The following MAPKAPK2 variants were observed in gnomAD, a reference collection of about 807,000 sequenced individuals.
MAPKAPK2 encodes the protein MAP kinase-activated protein kinase 2.
A neutral mutation model predicts 48.8 loss-of-function variants in MAPKAPK2; 9 were observed. That is an observed-to-expected ratio of 0.18 (90% CI 0.11 to 0.32). The LOEUF (loss-of-function observed/expected upper bound fraction) is 0.32, where lower values mean the gene tolerates loss of function less well. Ranked by LOEUF, MAPKAPK2 falls within the 10% of genes least tolerant of loss-of-function variation. MAPKAPK2 has a pLI of 1.00. For missense variants in MAPKAPK2, 331 were observed against 498.3 expected, an observed-to-expected ratio of 0.66 and a Z score of 3.20; for synonymous variants, 202 against 190.6, an observed-to-expected ratio of 1.06 and a Z score of -0.49.
intron 1 of MAPKAPK2, among the ~76,000 whole-genome samples, chr1:206,701,173 C>A (rs1672782168): frequency 6.6e-6 from 1 of 152,240 alleles, no homozygotes; most frequent in Non-Finnish European, 1.5e-5. Flanking sequence ...CTGGATCCCA[C>A]TGAGAATACA....
At chr1:206,688,344 C>T (rs980267439) in intron 1 of MAPKAPK2, among the ~76,000 whole-genome samples, 5 of 152,206 alleles carry the variant, frequency 3.3e-5, no homozygotes, top group Non-Finnish European at 7.3e-5. Flanking sequence ...CAGGCTTCTT[C>T]CCACTTACTT....
chr1:206,691,337 G>C (rs111567532), intron 1 of MAPKAPK2, among the ~76,000 whole-genome samples: 74 of 151,888 alleles, frequency 4.9e-4, no homozygotes, highest in African/African-American at 1.3e-3. Context: ...TTTCCACATG[G>C]GTTACCTTGT....
In MAPKAPK2 at chr1:206,719,738, AATTGAGAAGTGTGAC is replaced by A. The variant is rs537176966; in HGVS notation, c.280-8969_280-8955del. On this transcript the variant is annotated intron_variant, in intron 1 of 9. Coordinates refer to ENST00000367103, the MANE Select transcript of MAPKAPK2 (RefSeq NM_032960.4). ...ACCTCTTATGCTTCCAAGCTGGGCT[AATTGAGAAGTGTGAC>A]ATCTTGCTCCAGCCTATAAGCAGCT... 1.9e-4 allele frequency among the ~76,000 whole-genome samples: 29 copies of A among 152,314 alleles called. No individual in the cohort carries two copies. The South Asian group carries it at 5.6e-3, about 29-fold the overall frequency.
At chr1:206,696,069 C>A in intron 1 of MAPKAPK2, 1 of 1,018,464 alleles carries the variant, frequency 9.8e-7, no homozygotes, top group South Asian at 1.3e-5. Flanking sequence ...GGTGAGGATT[C>A]ATCTCACCTG....
chr1:206,714,047 A>T (rs1673240589), intron 1 of MAPKAPK2, among the ~76,000 whole-genome samples: 1 of 152,192 alleles, frequency 6.6e-6, no homozygotes, highest in Non-Finnish European at 1.5e-5. Flanking sequence ...CTGGCTAGAT[A>T]GTGATGTCAT....
intron 1 of MAPKAPK2, among the ~76,000 whole-genome samples, chr1:206,692,004 C>G (rs1291063755): frequency 6.6e-6 from 1 of 152,190 alleles, no homozygotes; most frequent in Non-Finnish European, 1.5e-5. Flanking sequence ...TCCTTAAAAT[C>G]AGAAGAATCA....
intron 1 of MAPKAPK2, among the ~76,000 whole-genome samples, chr1:206,717,054 A>G (rs1673357880): frequency 6.6e-6 from 1 of 152,232 alleles, no homozygotes; most frequent in Non-Finnish European, 1.5e-5. Context: ...TGAACAGAGC[A>G]AAGACGAGTC....
At chr1:206,722,997 A>G (rs4240846) in intron 1 of MAPKAPK2, among the ~76,000 whole-genome samples, 148,577 of 152,344 alleles carry the variant, frequency 0.98, 72,474 homozygotes, top group East Asian at 1. Flanking sequence ...AGGAGGTCTT[A>G]TTTGCCAACA....
chr1:206,691,312 G>A (rs375038885), intron 1 of MAPKAPK2, among the ~76,000 whole-genome samples: 16 of 151,940 alleles, frequency 1.1e-4, no homozygotes, highest in Non-Finnish European at 1.5e-4. Flanking sequence ...CTCCACTAAC[G>A]CATCAGCTAG....
intron 1 of MAPKAPK2, among the ~76,000 whole-genome samples, chr1:206,706,762 G>A (rs1431871564): frequency 6.6e-6 from 1 of 152,180 alleles, no homozygotes; most frequent in Non-Finnish European, 1.5e-5. Flanking sequence ...GCCCGTGGGT[G>A]GGGCTTTACT....
rs782167091 is a variant in MAPKAPK2, at chr1:206,732,053, A to G, written c.1059+134A>G. On this transcript the variant is annotated intron_variant, in intron 9 of 9. Coordinates refer to ENST00000367103, the MANE Select transcript of MAPKAPK2 (RefSeq NM_032960.4). This position sits in a 1 kb window ranked among gnomAD's most constrained non-coding sequence, Gnocchi z 4.4. The stretch of plus-strand genomic sequence containing the variant: ...CTCATCCCAGGGGTGTCTTCATGAC[A>G]AGAACAGCGACCAGGCCACTTGGCT... 6.2e-7 allele frequency: 1 copy of G among 1,614,182 alleles called. No individual in the cohort carries two copies.
chr1:206,700,842 A>C (rs567022680), intron 1 of MAPKAPK2, among the ~76,000 whole-genome samples: 18 of 152,348 alleles, frequency 1.2e-4, no homozygotes, highest in African/African-American at 4.1e-4. Context: ...GTTGTAGGTC[A>C]TCCCTGAGAA....
At chr1:206,709,920 G>T (rs1390420129) in intron 1 of MAPKAPK2, among the ~76,000 whole-genome samples, 7 of 152,192 alleles carry the variant, frequency 4.6e-5, no homozygotes, top group African/African-American at 1.7e-4. Flanking sequence ...TTCAGACATT[G>T]CCAAACGTCC....
Position 206,728,963 on chromosome 1 carries a change from A to G in MAPKAPK2, c.420-72A>G, listed in dbSNP as rs1553432246. 3 of 1,611,730 alleles carry G rather than the reference A, an allele frequency of 1.9e-6. No individual in the cohort carries two copies. The African/African-American group carries it at 4.0e-5, about 22-fold the overall frequency. On this transcript the variant is annotated intron_variant, in intron 2 of 9. Coordinates refer to ENST00000367103, the MANE Select transcript of MAPKAPK2 (RefSeq NM_032960.4). Reference sequence around the variant, plus strand: ...CTGAAGCCTGGAATGTAAACACTTGATTTTTTGGGGGGCAGTGGAGAGTGG... The same window carrying G: ...CTGAAGCCTGGAATGTAAACACTTGGTTTTTTGGGGGGCAGTGGAGAGTGG...
At chr1:206,696,578 C>A (rs1185691320) in intron 1 of MAPKAPK2, among the ~76,000 whole-genome samples, 10 of 152,128 alleles carry the variant, frequency 6.6e-5, no homozygotes, top group Non-Finnish European at 1.3e-4. Flanking sequence ...GTGGCACATA[C>A]CCATAGTTTC....
At chr1:206,717,654 C>T (rs1553430573) in intron 1 of MAPKAPK2, among the ~76,000 whole-genome samples, 1 of 152,170 alleles carries the variant, frequency 6.6e-6, no homozygotes, top group African/African-American at 2.4e-5. Flanking sequence ...CCTCCTGTGG[C>T]CAGTGTGAAA....
intron 1 of MAPKAPK2, among the ~76,000 whole-genome samples, chr1:206,701,350 G>A (rs1553427873): frequency 6.6e-6 from 1 of 152,150 alleles, no homozygotes; most frequent in Non-Finnish European, 1.5e-5. Context: ...GGTTTTATGT[G>A]GCACAGATAG....
intron 1 of MAPKAPK2, among the ~76,000 whole-genome samples, chr1:206,726,178 A>T (rs1673696012): frequency 6.6e-6 from 1 of 152,134 alleles, no homozygotes; most frequent in Non-Finnish European, 1.5e-5. Context: ...TGAGACCAGG[A>T]GTTCGAGACC....
chr1:206,726,677 A>T (rs1260985537), intron 1 of MAPKAPK2, among the ~76,000 whole-genome samples: 1 of 152,368 alleles, frequency 6.6e-6, no homozygotes, highest in East Asian at 1.9e-4. Flanking sequence ...GGAGTCTACC[A>T]GGCCTGGATT....
Sources: allele counts gnomAD v4.1 joint callset (sites outside exome capture counted in the v4.1 genomes callset), GRCh38; gene constraint gnomAD v4.1.1; non-coding constraint Gnocchi (gnomAD v3.1); transcripts MANE v1.5; gene names NCBI Gene and HGNC (gene_info 2026-07-23, HGNC 2026-07-21).